Variants in SLC36A3 observed in about 807,000 individuals in gnomAD.
SLC36A3 encodes solute carrier family 36 member 3, also known as proton-coupled amino acid transporter 3.
SLC36A3 carries 35 observed loss-of-function variants against 44.3 expected under a neutral mutation model. The ratio of observed to expected loss-of-function variants is 0.79; its 90% CI spans 0.60 to 1.05. The LOEUF (loss-of-function observed/expected upper bound fraction) is 1.05. SLC36A3 is among the 50% of genes least tolerant of loss of function. The pLI, the probability that SLC36A3 is intolerant of heterozygous loss-of-function variation, is 0.00. For missense variants in SLC36A3, 540 were observed against 578.7 expected, an observed-to-expected ratio of 0.93 and a Z score of 0.69; for synonymous variants, 211 against 227.6, an observed-to-expected ratio of 0.93 and a Z score of 0.66.
chr5:151,278,219 G>A (rs2193931), intron 9 of SLC36A3, among the ~76,000 whole-genome samples: 12,122 of 152,160 alleles, frequency 0.08, 1,371 homozygotes, highest in African/African-American at 0.25. Context: ...CCGAATATCA[G>A]CCACTTATTT....
rs901924769 is a variant in SLC36A3, at chr5:151,282,460, G to A, written c.975-1277C>T. On this transcript the variant is annotated intron_variant, in intron 8 of 9. Coordinates refer to ENST00000335230, the MANE Select transcript of SLC36A3 (RefSeq NM_181774.4). ...CGGGATTATAGGCATGAGCCACCACGCCTGGCTGTCTCACCCAGTATGTCT... is the reference window on the plus strand; with the variant it reads ...CGGGATTATAGGCATGAGCCACCACACCTGGCTGTCTCACCCAGTATGTCT... Among the ~76,000 whole-genome samples the A allele has an allele frequency of 2.6e-5, 4 of 152,174 alleles. No homozygotes were observed. In the South Asian group the frequency reaches 8.3e-4, roughly 32 times the overall value.
At chr5:151,294,400 T>C (rs1754883559) in intron 3 of SLC36A3, among the ~76,000 whole-genome samples, 1 of 152,164 alleles carries the variant, frequency 6.6e-6, no homozygotes, top group Non-Finnish European at 1.5e-5. Flanking sequence ...ACTGGTGATC[T>C]GGTGGGTGAC....
intron 8 of SLC36A3, among the ~76,000 whole-genome samples, chr5:151,282,386 G>A (rs746449976): frequency 1.5e-4 from 23 of 152,018 alleles, no homozygotes; most frequent in Non-Finnish European, 2.8e-4. Flanking sequence ...CTGGCTGGTC[G>A]CGAACTCCCA....
At chr5:151,298,507 T>C (rs949310466) in intron 2 of SLC36A3, 86 bp downstream of exon 2, 10 of 1,334,658 alleles carry the variant, frequency 7.5e-6, no homozygotes, top group East Asian at 2.4e-5. Flanking sequence ...AAATTGCCCA[T>C]TGATAACAGT....
At position 151,293,451 on chromosome 5, in the gene SLC36A3, TTCTGCAG is replaced by T; in HGVS notation, c.310_316del (p.Leu104ArgfsTer4). The T allele has an allele frequency of 6.2e-7, 1 of 1,612,930 alleles. No individual in the cohort carries two copies. The highest frequency in any genetic ancestry group is 8.5e-7 in the Non-Finnish European group (1 of 1,179,288). On this transcript the variant is annotated frameshift_variant and splice_region_variant, in exon 4 of 10. Coordinates refer to ENST00000335230, the MANE Select transcript of SLC36A3 (RefSeq NM_181774.4). LOFTEE classifies it high-confidence loss of function. ...GGCCTCTCCATAGTTCACAAAAGTC[TTCTGCAG>T]TCTAGGGGGAAAGAACAAACAATGC...
intron 9 of SLC36A3, among the ~76,000 whole-genome samples, chr5:151,278,550 AATC>A (rs1277456602): frequency 6.6e-6 from 1 of 152,226 alleles, no homozygotes; most frequent in Non-Finnish European, 1.5e-5. Flanking sequence ...GTAAAGATCA[AATC>A]AGTGTACTTG....
chr5:151,277,993 G>T (rs549501934), intron 9 of SLC36A3, among the ~76,000 whole-genome samples: 8 of 152,154 alleles, frequency 5.3e-5, no homozygotes, highest in Non-Finnish European at 1.0e-4. Context: ...GTCACACAGA[G>T]CTGAGATGAG....
chr5:151,284,017 A>T (rs777977657), intron 8 of SLC36A3, 27 bp downstream of exon 8: 1 of 1,590,030 alleles, frequency 6.3e-7, no homozygotes, highest in South Asian at 1.2e-5. Context: ...GTCTCTCCCT[A>T]TCTCACCTGA....
At chr5:151,295,675 A>G (rs1206948967) in intron 3 of SLC36A3, among the ~76,000 whole-genome samples, 1 of 152,228 alleles carries the variant, frequency 6.6e-6, no homozygotes, top group East Asian at 1.9e-4. Context: ...AAAGTTTCAA[A>G]TACATAAACA....
intron 1 of SLC36A3, among the ~76,000 whole-genome samples, chr5:151,302,422 G>A (rs1337108687): frequency 6.6e-6 from 1 of 152,100 alleles, no homozygotes; most frequent in African/African-American, 2.4e-5. Flanking sequence ...TCCTTTGCAG[G>A]GACATGGATG....
intron 8 of SLC36A3, among the ~76,000 whole-genome samples, chr5:151,283,097 G>C (rs922775533): frequency 6.6e-6 from 1 of 152,050 alleles, no homozygotes; most frequent in Non-Finnish European, 1.5e-5. Flanking sequence ...TGTTGGCCAG[G>C]CTGGTCTCGA....
At chr5:151,282,419 C>T (rs1408199496) in intron 8 of SLC36A3, among the ~76,000 whole-genome samples, 5 of 152,262 alleles carry the variant, frequency 3.3e-5, no homozygotes, top group African/African-American at 7.2e-5. Flanking sequence ...ACGCCCTCCT[C>T]GGCCTCCCAA....
In SLC36A3 at chr5:151,277,361, GA is replaced by G. The variant is rs1754125850; in HGVS notation, c.*31del. On this transcript the variant is annotated 3_prime_UTR_variant, in exon 10 of 10. Transcript: ENST00000335230. Reference sequence around the variant, plus strand: ...ATGGAAGTCAAACTGGGGATGGGAGGAAGGGAGAGCTATTAGAATAAAAACA... The same window carrying G: ...ATGGAAGTCAAACTGGGGATGGGAGGAGGGAGAGCTATTAGAATAAAAACA... 1 of 1,607,622 alleles carries G rather than the reference GA, an allele frequency of 6.2e-7. No individual in the cohort carries two copies. Among genetic ancestry groups the G allele is most frequent in the Non-Finnish European group, 8.5e-7 (1 of 1,176,140 alleles).
intron 5 of SLC36A3, among the ~76,000 whole-genome samples, chr5:151,287,950 C>G (rs1754605978): frequency 2.0e-5 from 3 of 152,176 alleles, no homozygotes; most frequent in Admixed American, 2.0e-4. Flanking sequence ...TGCGCAAAAA[C>G]AAGGATGCTC....
At chr5:151,280,409 G>A (rs1313357253) in intron 9 of SLC36A3, among the ~76,000 whole-genome samples, 1 of 152,168 alleles carries the variant, frequency 6.6e-6, no homozygotes, top group East Asian at 1.9e-4. Context: ...AGCCGAGATA[G>A]CACCACTGCA....
intron 9 of SLC36A3, among the ~76,000 whole-genome samples, chr5:151,278,323 A>C (rs1754179180): frequency 6.6e-6 from 1 of 152,072 alleles, no homozygotes; most frequent in Non-Finnish European, 1.5e-5. Flanking sequence ...TTCTCTTCAC[A>C]CTCCTAAAAT....
chr5:151,297,760 T>C, intron 2 of SLC36A3: 1 of 152,236 alleles, frequency 6.6e-6, no homozygotes, highest in Non-Finnish European at 1.5e-5. Flanking sequence ...GTCAGGAGTT[T>C]GAGACCTGCC....
chr5:151,281,556 G>A (rs1000123410), intron 8 of SLC36A3, among the ~76,000 whole-genome samples: 12 of 152,030 alleles, frequency 7.9e-5, no homozygotes, highest in Admixed American at 6.5e-4. Flanking sequence ...GGTGGCTCAC[G>A]CTTGTAATCG....
At chr5:151,296,518 C>A (rs1754965323) in intron 2 of SLC36A3, 3 of 535,820 alleles carry the variant, frequency 5.6e-6, no homozygotes, top group East Asian at 3.2e-5. Context: ...TCCCACATAG[C>A]CCATGCATTT....
Sources: allele counts gnomAD v4.1 joint callset (sites outside exome capture counted in the v4.1 genomes callset), GRCh38; gene constraint gnomAD v4.1.1; transcripts MANE v1.5; gene names NCBI Gene and HGNC (gene_info 2026-07-23, HGNC 2026-07-21).